The following CUX2 variants were observed in gnomAD, a reference collection of about 807,000 sequenced individuals.
CUX2 encodes homeobox protein cut-like 2.
A neutral mutation model predicts 144.8 loss-of-function variants in CUX2; 40 were observed. The observed-to-expected ratio is 0.28, with a 90% CI of 0.21 to 0.36. The LOEUF (loss-of-function observed/expected upper bound fraction) is 0.36. Ranked by LOEUF, CUX2 falls within the 10% of genes least tolerant of loss-of-function variation. The pLI is 1.00. For synonymous variants in CUX2, 827 were observed against 875.6 expected (o/e 0.94, Z 0.98); for missense variants, 1,615 against 1,994.0 (o/e 0.81, Z 3.62).
At chr12:111,228,734 T>A (rs1054698207) in intron 3 of CUX2, among the ~76,000 whole-genome samples, 1 of 152,144 alleles carries the variant, frequency 6.6e-6, no homozygotes, top group African/African-American at 2.4e-5. Flanking sequence ...TTAAAAACTA[T>A]GTTTTTTATT....
rs12305132 is a variant in CUX2 at position 111,262,073 on chromosome 12, C to A, written c.223-1688C>A. On this transcript the variant is annotated intron_variant, in intron 3 of 21. Transcript: ENST00000261726. Reference sequence around the variant, plus strand: ...GTTACCAAACTGGGTCAGCCTCCCCCCAATTTACACACTCCCAAGGCCACC... The same window carrying A: ...GTTACCAAACTGGGTCAGCCTCCCCACAATTTACACACTCCCAAGGCCACC... Among the ~76,000 whole-genome samples the A allele has an allele frequency of 9.3e-4, 142 of 152,266 alleles. 1 individual carries two copies. The highest frequency in any genetic ancestry group is 3.2e-3 in the African/African-American group (133 of 41,550).
rs1447940162 is a variant in CUX2 at position 111,304,327 on chromosome 12, T to C, written c.858+13T>C. 2 of 1,606,938 alleles carry C rather than the reference T, an allele frequency of 1.2e-6. No individual in the cohort carries two copies. The highest frequency in any genetic ancestry group is 3.4e-5 in the Admixed American group (2 of 59,556). ...GGGGCCCAGTGGGGTAAGGATGGGG[T>C]TGGGGAAGTGAGCAGGGAGGGCAGA... On this transcript the variant is annotated intron_variant, in intron 10 of 21. Transcript: ENST00000261726. The surrounding 1 kb of genome is among the most constrained non-coding windows in gnomAD (Gnocchi z 4.7).
rs570776244 is a variant in CUX2, at chr12:111,332,712, G to C, written c.2927-1729G>C. Among the ~76,000 whole-genome samples, 186 of 152,218 alleles carry C rather than the reference G, an allele frequency of 1.2e-3. 1 individual carries two copies. The highest frequency in any genetic ancestry group is 4.4e-3 in the African/African-American group (181 of 41,540). ...CCCAGTTTGAACAGTTATTAATTTT[G>C]CCATAATCGTGCTCTTTCTCTGCCA... On this transcript the variant is annotated intron_variant, in intron 18 of 21. Transcript: ENST00000261726.
intron 8 of CUX2, among the ~76,000 whole-genome samples, chr12:111,297,467 A>G (rs573287855): frequency 1.9e-4 from 29 of 152,266 alleles, no homozygotes; most frequent in African/African-American, 6.7e-4. Context: ...CACACACCAC[A>G]GCCATAAATA....
chr12:111,158,982 C>A lies in CUX2; in HGVS notation c.64-55218C>A, dbSNP rs535157281. Reference sequence around the variant, plus strand: ...CAGGCTGGTCGTGAACACAGAGGGGCGCAGGAAATGGGAGCAAGGTGCTGT... The same window carrying A: ...CAGGCTGGTCGTGAACACAGAGGGGAGCAGGAAATGGGAGCAAGGTGCTGT... On this transcript the variant is annotated intron_variant, in intron 1 of 21. Transcript: ENST00000261726. Among the ~76,000 whole-genome samples the A allele has an allele frequency of 3.3e-5, 5 of 152,174 alleles. No individual in the cohort carries two copies. In the East Asian group the frequency reaches 9.7e-4, roughly 29 times the overall value.
intron 1 of CUX2, among the ~76,000 whole-genome samples, chr12:111,175,676 G>T (rs1878809377): frequency 6.6e-6 from 1 of 152,084 alleles, no homozygotes; most frequent in South Asian, 2.1e-4. Context: ...GCAATAAATT[G>T]TGCTAATTAG....
At chr12:111,318,228 A>ATT (rs774135980) in intron 16 of CUX2, among the ~76,000 whole-genome samples, 2 of 120,190 alleles carry the variant, frequency 1.7e-5, no homozygotes, top group African/African-American at 7.8e-5. Flanking sequence ...TGCCTGGCTA[A>ATT]TTTTTTTTTC....
In CUX2 at chr12:111,310,259, C is replaced by A. The variant is rs202129111; in HGVS notation, c.1477C>A (p.Pro493Thr). ...GGCATCAGGGGAGAGACTGATGATGCCCCCAGCCGCCTTCAAGGGAGAGGC... is the reference window on the plus strand; with the variant it reads ...GGCATCAGGGGAGAGACTGATGATGACCCCAGCCGCCTTCAAGGGAGAGGC... Reference protein sequence around the residue: ...SLASGERLMMPPAAFKGEAGG... With the variant: ...SLASGERLMMTPAAFKGEAGG... Residue 493 changes from proline to threonine, a missense_variant, in exon 15 of 22, where the codon CCC becomes ACC. By Grantham distance (38) the Pro-to-Thr change is conservative. This residue lies in a region of CUX2 where 154 missense variants were observed against 148.4 expected (regional missense o/e 1.04). Coordinates refer to ENST00000261726, the MANE Select transcript of CUX2 (RefSeq NM_015267.4). This position sits in a 1 kb window ranked among gnomAD's most constrained non-coding sequence, Gnocchi z 7.9. 86 of 1,506,794 alleles carry A rather than the reference C, an allele frequency of 5.7e-5. 1 individual carries two copies. The highest frequency in any genetic ancestry group is 1.8e-4 in the Admixed American group (8 of 44,014). The allele number at this position is 1,506,794 out of a possible 1,614,324, so 93.3% of individuals were successfully genotyped here.
intron 1 of CUX2, 38 bp from the exon 2 acceptor site, chr12:111,214,162 T>TCG: frequency 8.2e-7 from 1 of 1,215,346 alleles, no homozygotes; most frequent in South Asian, 1.6e-5. Flanking sequence ...CTTTTTCTTT[T>TCG]CTCTCTCTCT....
chr12:111,216,133 G>A (rs951635970), intron 2 of CUX2, among the ~76,000 whole-genome samples: 3 of 152,204 alleles, frequency 2.0e-5, no homozygotes, highest in Non-Finnish European at 4.4e-5. Flanking sequence ...TCTAGAAATG[G>A]GCAGCATTAG....
chr12:111,254,607 G>A (rs1343837461), intron 3 of CUX2, among the ~76,000 whole-genome samples: 2 of 152,176 alleles, frequency 1.3e-5, no homozygotes, highest in African/African-American at 2.4e-5. Context: ...TGCTCAAAAC[G>A]ATTTAATGAC....
chr12:111,108,157 A>G (rs1873724070), intron 1 of CUX2, among the ~76,000 whole-genome samples: 1 of 152,204 alleles, frequency 6.6e-6, no homozygotes, highest in Non-Finnish European at 1.5e-5. Context: ...CCATTTGAGA[A>G]TGCAGGGTGT....
chr12:111,290,528 A>G (rs955984390), intron 4 of CUX2, among the ~76,000 whole-genome samples: 1 of 151,810 alleles, frequency 6.6e-6, no homozygotes, highest in African/African-American at 2.4e-5. Flanking sequence ...CCCTGGTTCA[A>G]GTGATTCTCC....
At chr12:111,119,704 A>G (rs565335921) in intron 1 of CUX2, among the ~76,000 whole-genome samples, 2 of 152,232 alleles carry the variant, frequency 1.3e-5, no homozygotes, top group African/African-American at 4.8e-5. Flanking sequence ...GGTCTCATGT[A>G]ACAACAAAAA....
chr12:111,156,738 G>A (rs547262146), intron 1 of CUX2, among the ~76,000 whole-genome samples: 9 of 152,162 alleles, frequency 5.9e-5, no homozygotes, highest in Non-Finnish European at 1.2e-4. Flanking sequence ...AGCACTTTGG[G>A]AGGCTGAGGC....
At chr12:111,306,207 C>G (rs1035707952) in intron 10 of CUX2, among the ~76,000 whole-genome samples, 2 of 152,010 alleles carry the variant, frequency 1.3e-5, no homozygotes, top group African/African-American at 4.8e-5. Flanking sequence ...TTTCTGAGCA[C>G]AACAGTGGCA....
At chr12:111,188,910 A>G (rs903419088) in intron 1 of CUX2, among the ~76,000 whole-genome samples, 1 of 152,154 alleles carries the variant, frequency 6.6e-6, no homozygotes, top group African/African-American at 2.4e-5. Context: ...AGACAGCAAG[A>G]TGTGGGCAGA....
intron 1 of CUX2, among the ~76,000 whole-genome samples, chr12:111,204,024 C>A (rs1880769678): frequency 6.6e-6 from 1 of 152,230 alleles, no homozygotes; most frequent in Non-Finnish European, 1.5e-5. Context: ...AAGCATCCAG[C>A]CCTTCCCAGG....
chr12:111,308,151 C>A, intron 12 of CUX2, 134 bp from the exon 13 acceptor site: 2 of 988,264 alleles, frequency 2.0e-6, no homozygotes, highest in Non-Finnish European at 3.1e-6. Flanking sequence ...GTTGCAATGA[C>A]TCTGGAATTA....
Sources: allele counts gnomAD v4.1 joint callset (sites outside exome capture counted in the v4.1 genomes callset), GRCh38; gene constraint gnomAD v4.1.1; regional missense constraint gnomAD v4.1.1; non-coding constraint Gnocchi (gnomAD v3.1); transcripts MANE v1.5; gene names NCBI Gene and HGNC (gene_info 2026-07-23, HGNC 2026-07-21).